The following ALK variants were observed in gnomAD, a reference collection of about 807,000 sequenced individuals.
ALK encodes the protein ALK receptor tyrosine kinase.
In ALK, 74 loss-of-function variants were observed where a neutral mutation model predicts 163.1. That is an observed-to-expected ratio of 0.45 (90% CI 0.38 to 0.55). ALK has a LOEUF of 0.55. ALK is among the 20% of genes least tolerant of loss of function. ALK has a pLI of 0.00. For missense variants in ALK, 2,063 were observed against 2,105.3 expected (o/e 0.98, Z 0.39); for synonymous variants, 960 against 843.2 (o/e 1.14, Z -2.40).
At chr2:29,485,263 T>C (rs1392617279) in intron 4 of ALK, among the ~76,000 whole-genome samples, 1 of 152,238 alleles carries the variant, frequency 6.6e-6, no homozygotes, top group Non-Finnish European at 1.5e-5. Flanking sequence ...ATGGATATTC[T>C]AATCCTCTAA....
At chr2:29,325,648 G>C (rs1667233219) in intron 6 of ALK, among the ~76,000 whole-genome samples, 1 of 152,216 alleles carries the variant, frequency 6.6e-6, no homozygotes, top group Admixed American at 6.5e-5. Context: ...GCAGTGGTTT[G>C]AGTGTGGCTC....
intron 1 of ALK, among the ~76,000 whole-genome samples, chr2:29,907,965 G>T (rs1002820561): frequency 5.9e-5 from 9 of 151,980 alleles, no homozygotes; most frequent in Non-Finnish European, 1.3e-4. Context: ...CTTCTCATTT[G>T]TTCCTCTTAT....
intron 23 of ALK, among the ~76,000 whole-genome samples, chr2:29,217,129 G>GGTGT (rs146323322): frequency 2.9e-5 from 4 of 138,462 alleles, no homozygotes; most frequent in African/African-American, 1.1e-4. Context: ...GGGCGTGTGT[G>GGTGT]GTGTGTGTGT....
At chr2:29,866,746 GAA>G (rs1666445754) in intron 1 of ALK, among the ~76,000 whole-genome samples, 1 of 152,184 alleles carries the variant, frequency 6.6e-6, no homozygotes, top group Admixed American at 6.5e-5. Context: ...CTGAAACAGA[GAA>G]GAGTCTGAAA....
intron 3 of ALK, among the ~76,000 whole-genome samples, chr2:29,555,258 C>T (rs72780233): frequency 0.14 from 21,165 of 151,920 alleles, 1,794 homozygotes; most frequent in East Asian, 0.34. Context: ...CCCCATAGTC[C>T]CCACAATTTC....
intron 1 of ALK, among the ~76,000 whole-genome samples, chr2:29,778,434 G>C (rs574610370): frequency 6.6e-6 from 1 of 152,222 alleles, no homozygotes; most frequent in Non-Finnish European, 1.5e-5. Flanking sequence ...ATTTGGAGAA[G>C]ATGACTTCCC....
chr2:29,298,097 G>A (rs1215364953), intron 8 of ALK, among the ~76,000 whole-genome samples: 1 of 152,210 alleles, frequency 6.6e-6, no homozygotes, highest in Non-Finnish European at 1.5e-5. Context: ...TAAGAACCAT[G>A]ACTCACGGCA....
intron 3 of ALK, among the ~76,000 whole-genome samples, chr2:29,568,000 C>T (rs11684459): frequency 0.12 from 17,837 of 152,120 alleles, 1,376 homozygotes; most frequent in Non-Finnish European, 0.18. Flanking sequence ...GATTTACCAG[C>T]GTATATACTG....
chr2:29,770,031 A>G (rs967692762), intron 1 of ALK, among the ~76,000 whole-genome samples: 4 of 152,232 alleles, frequency 2.6e-5, no homozygotes, highest in African/African-American at 9.6e-5. Flanking sequence ...ATGAAAGTTC[A>G]TTCAAGAAGC....
chr2:29,474,395 G>A (rs4380182), intron 4 of ALK, among the ~76,000 whole-genome samples: 76,858 of 152,080 alleles, frequency 0.51, 20,509 homozygotes, highest in South Asian at 0.62. Flanking sequence ...CTTGGTCCGA[G>A]TGGTAATTCC....
chr2:29,389,587 A>G (rs980794227), intron 4 of ALK, among the ~76,000 whole-genome samples: 1 of 152,204 alleles, frequency 6.6e-6, no homozygotes, highest in African/African-American at 2.4e-5. Flanking sequence ...TGCCTTATAC[A>G]TCGTAGACAC....
At chr2:29,736,007 C>T (rs983962564) in intron 1 of ALK, among the ~76,000 whole-genome samples, 27 of 152,076 alleles carry the variant, frequency 1.8e-4, no homozygotes, top group African/African-American at 6.5e-4. Flanking sequence ...ACTGAGCCAT[C>T]GAAAAGTAAC....
chr2:29,462,479 T>C (rs1326483073), intron 4 of ALK, among the ~76,000 whole-genome samples: 5 of 152,132 alleles, frequency 3.3e-5, no homozygotes, highest in African/African-American at 1.2e-4. Context: ...GCCACCAACA[T>C]TGAGGTCAGA....
chr2:29,654,338 C>T (rs561686184), intron 3 of ALK, among the ~76,000 whole-genome samples: 38 of 152,224 alleles, frequency 2.5e-4, no homozygotes, highest in African/African-American at 6.5e-4. Flanking sequence ...TTGGAGACTC[C>T]GTGATGGCTG....
At chr2:29,432,116 T>C (rs1670286543) in intron 4 of ALK, among the ~76,000 whole-genome samples, 1 of 152,144 alleles carries the variant, frequency 6.6e-6, no homozygotes, top group Non-Finnish European at 1.5e-5. Flanking sequence ...CTGATAACTA[T>C]TTCTTGGATA....
At chr2:29,463,540 C>T (rs1041237053) in intron 4 of ALK, among the ~76,000 whole-genome samples, 2 of 152,116 alleles carry the variant, frequency 1.3e-5, no homozygotes, top group African/African-American at 2.4e-5. Context: ...GAACAACAGA[C>T]AGCACAAGAC....
chr2:29,422,622 GT>G (rs769402881), intron 4 of ALK, among the ~76,000 whole-genome samples: 192 of 152,016 alleles, frequency 1.3e-3, no homozygotes, highest in African/African-American at 4.4e-3. Flanking sequence ...TTTTTGTTTA[GT>G]TTTTTTTCTT....
intron 12 of ALK, among the ~76,000 whole-genome samples, chr2:29,242,843 T>C (rs1252857024): frequency 6.6e-6 from 1 of 152,208 alleles, no homozygotes; most frequent in Non-Finnish European, 1.5e-5. Context: ...CAGCAGAGCT[T>C]GGCAAGCAGG....
intron 5 of ALK, among the ~76,000 whole-genome samples, chr2:29,339,242 C>CA (rs35376835): frequency 0.075 from 10,065 of 135,028 alleles, 378 homozygotes; most frequent in Middle Eastern, 0.085. Context: ...GACTCTATCT[C>CA]AAAAAAAAAA....
Sources: gnomAD v4.1 joint callset for allele counts (sites outside exome capture counted in the v4.1 genomes callset) on GRCh38, gnomAD v4.1.1 for gene constraint, MANE v1.5 for transcripts, NCBI Gene and HGNC (gene_info 2026-07-23, HGNC 2026-07-21) for gene names.